MAPK6: variants seen among roughly 807,000 people sequenced by gnomAD.
MAPK6 encodes the protein mitogen-activated protein kinase 6.
In MAPK6, 19 loss-of-function variants were observed where a neutral mutation model predicts 59.3. The observed-to-expected ratio is 0.32, with a 90% CI of 0.22 to 0.47. The LOEUF is 0.47. MAPK6 is among the 20% of genes least tolerant of loss of function. MAPK6 has a pLI of 1.00. For synonymous variants in MAPK6, 316 were observed against 290.3 expected (o/e 1.09, Z -0.90); for missense variants, 724 against 847.9 (o/e 0.85, Z 1.81).
chr15:51,980,333 C>A (rs928532750), intron 1 of MAPK6, among the ~76,000 whole-genome samples: 1 of 150,772 alleles, frequency 6.6e-6, no homozygotes, highest in Non-Finnish European at 1.5e-5. Flanking sequence ...ACCAAAATGT[C>A]AGTAGTGTTT....
chr15:52,065,564 A>C lies in MAPK6; in HGVS notation c.*564A>C, dbSNP rs2032384220. On this transcript the variant is annotated 3_prime_UTR_variant, in exon 6 of 6. Transcript: ENST00000261845. ...TCACAAAATGCACTTCTATTTAGCCAGCGTTTATTGTAGTAAACTATTCTT... is the reference window on the plus strand; with the variant it reads ...TCACAAAATGCACTTCTATTTAGCCCGCGTTTATTGTAGTAAACTATTCTT... 1 of 152,676 alleles carries C rather than the reference A, an allele frequency of 6.5e-6. No homozygotes were observed. Among genetic ancestry groups the C allele is most frequent in the Admixed American group, 6.5e-5 (1 of 15,274 alleles). The allele number at this position is 152,676 out of a possible 1,614,324, so 9.5% of individuals were successfully genotyped here.
At chr15:52,027,455 T>G (rs1400962548) in intron 1 of MAPK6, among the ~76,000 whole-genome samples, 2 of 150,680 alleles carry the variant, frequency 1.3e-5, no homozygotes, top group African/African-American at 2.4e-5. Context: ...CCTCTGTAAT[T>G]GAGTTTTATG....
chr15:52,050,342 T>TC (rs895709006), intron 3 of MAPK6, among the ~76,000 whole-genome samples: 3 of 152,236 alleles, frequency 2.0e-5, no homozygotes, highest in African/African-American at 7.2e-5. Flanking sequence ...TTATCAGAAC[T>TC]CCTGTTTAAA....
chr15:51,979,215 G>GA (rs1437410391), intron 1 of MAPK6, among the ~76,000 whole-genome samples: 3 of 111,154 alleles, frequency 2.7e-5, no homozygotes, highest in African/African-American at 7.0e-5. Context: ...AAAGAAGAAA[G>GA]AAAAAAAGAG....
At chr15:52,030,952 T>A (rs2031007207) in intron 1 of MAPK6, among the ~76,000 whole-genome samples, 1 of 151,988 alleles carries the variant, frequency 6.6e-6, no homozygotes, top group Non-Finnish European at 1.5e-5. Context: ...CCACCATGCC[T>A]GGCTCATTTT....
intron 2 of MAPK6, among the ~76,000 whole-genome samples, chr15:51,989,606 T>A (rs1275103200): frequency 6.6e-6 from 1 of 152,112 alleles, no homozygotes; most frequent in Non-Finnish European, 1.5e-5. Flanking sequence ...TTTATTATTT[T>A]TTATTTTTTT....
chr15:52,015,932 C>T (rs534834132), upstream of MAPK6, among the ~76,000 whole-genome samples: 229 of 149,788 alleles, frequency 1.5e-3, 1 homozygote, highest in African/African-American at 5.3e-3. Context: ...GTGGCGCGCC[C>T]TGTAATCCCA....
intron 2 of MAPK6, among the ~76,000 whole-genome samples, chr15:51,988,565 C>G (rs984636042): frequency 1.3e-5 from 2 of 151,924 alleles, no homozygotes; most frequent in Non-Finnish European, 2.9e-5. Context: ...AACCCTGTCT[C>G]TACTAAAAAT....
chr15:51,997,793 T>C (rs1006727326), intron 2 of MAPK6, among the ~76,000 whole-genome samples: 4 of 151,738 alleles, frequency 2.6e-5, no homozygotes, highest in Admixed American at 6.6e-5. Flanking sequence ...GGTTTCGCCA[T>C]GTTGCCTAGG....
At chr15:51,986,294 A>G (rs1252636315) in intron 2 of MAPK6, among the ~76,000 whole-genome samples, 1 of 152,230 alleles carries the variant, frequency 6.6e-6, no homozygotes, top group Non-Finnish European at 1.5e-5. Context: ...ATTGGGGATT[A>G]CAATTCAACA....
intron 3 of MAPK6, among the ~76,000 whole-genome samples, chr15:52,006,099 T>C (rs2057257944): frequency 6.6e-6 from 1 of 152,218 alleles, no homozygotes; most frequent in Non-Finnish European, 1.5e-5. Flanking sequence ...CTAAAGTCAC[T>C]TAAAAGAAGA....
intron 2 of MAPK6, among the ~76,000 whole-genome samples, chr15:51,983,643 C>G (rs2057181686): frequency 6.6e-6 from 1 of 151,956 alleles, no homozygotes; most frequent in African/African-American, 2.4e-5. Flanking sequence ...GACACTGTCT[C>G]TATAAAAAAA....
chr15:52,007,321 A>G (rs1032775148), intron 3 of MAPK6, among the ~76,000 whole-genome samples: 1 of 151,958 alleles, frequency 6.6e-6, no homozygotes, highest in Non-Finnish European at 1.5e-5. Context: ...CTTCAGGGCT[A>G]TCTTCTGGGG....
intron 1 of MAPK6, among the ~76,000 whole-genome samples, chr15:51,981,436 C>T (rs1198466025): frequency 1.4e-5 from 2 of 145,428 alleles, no homozygotes; most frequent in African/African-American, 2.5e-5. Flanking sequence ...CGTGCCACTG[C>T]AGTCCAGCCT....
At chr15:51,992,332 C>T (rs1425374765) in intron 2 of MAPK6, among the ~76,000 whole-genome samples, 13 of 131,256 alleles carry the variant, frequency 9.9e-5, no homozygotes, top group South Asian at 2.3e-4. Context: ...GACAGAGTCT[C>T]GCACTCTAGC....
At chr15:51,997,277 A>ATTTTTTTT (rs749427678) in intron 2 of MAPK6, among the ~76,000 whole-genome samples, 2,253 of 140,458 alleles carry the variant, frequency 0.016, 29 homozygotes, top group African/African-American at 0.033. Flanking sequence ...GTGCCTAGCA[A>ATTTTTTTT]TTTTTTTTTT....
chr15:52,030,457 G>C (rs1219313082), intron 1 of MAPK6, among the ~76,000 whole-genome samples: 1 of 152,084 alleles, frequency 6.6e-6, no homozygotes, highest in East Asian at 1.9e-4. Flanking sequence ...ATTGTACCCA[G>C]TGTAACGTGA....
At chr15:52,017,247 G>A (rs927832465), upstream of MAPK6, 1 of 152,280 alleles carries the variant, frequency 6.6e-6, no homozygotes, top group Non-Finnish European at 1.5e-5. Flanking sequence ...AAGGGTGGTG[G>A]ATTATCATTA....
At chr15:52,022,205 T>G (rs1267202516) in intron 1 of MAPK6, among the ~76,000 whole-genome samples, 1 of 152,178 alleles carries the variant, frequency 6.6e-6, no homozygotes, top group Non-Finnish European at 1.5e-5. Flanking sequence ...TCCTCTGGTT[T>G]TTCTGTGTAT....
Sources: allele counts gnomAD v4.1 joint callset (sites outside exome capture counted in the v4.1 genomes callset), GRCh38; gene constraint gnomAD v4.1.1; transcripts MANE v1.5; gene names NCBI Gene and HGNC (gene_info 2026-07-23, HGNC 2026-07-21).